Variants in ZRANB3 observed in about 807,000 individuals in gnomAD.
ZRANB3 encodes DNA annealing helicase and endonuclease ZRANB3.
Under a neutral mutation model 133.8 loss-of-function variants are expected in ZRANB3, and 125 were observed. The ratio of observed to expected loss-of-function variants is 0.93; its 90% CI spans 0.81 to 1.08. The LOEUF (loss-of-function observed/expected upper bound fraction) is 1.08. Among genes scored for constraint, ZRANB3 ranks in the 50% least tolerant of loss-of-function variants. The probability of loss-of-function intolerance (pLI) is 0.00; values close to 1 mark genes in which losing one functional copy is unlikely to be tolerated. For missense variants in ZRANB3, 1,229 were observed against 1,275.5 expected, an observed-to-expected ratio of 0.96 and a Z score of 0.56; for synonymous variants, 387 against 432.7, an observed-to-expected ratio of 0.89 and a Z score of 1.31.
intron 15 of ZRANB3, among the ~76,000 whole-genome samples, chr2:135,223,375 G>C (rs967887931): frequency 6.6e-6 from 1 of 150,710 alleles, no homozygotes; most frequent in African/African-American, 2.4e-5. Context: ...ACCCAGGCTG[G>C]AGTGCAGTGG....
intron 3 of ZRANB3, among the ~76,000 whole-genome samples, chr2:135,385,437 A>G (rs1450724339): frequency 1.3e-5 from 2 of 152,198 alleles, no homozygotes; most frequent in Non-Finnish European, 2.9e-5. Context: ...TATAGATTCA[A>G]TGCCACCCCC....
intron 1 of ZRANB3, among the ~76,000 whole-genome samples, chr2:135,505,434 C>T (rs900004042): frequency 1.3e-5 from 2 of 151,964 alleles, no homozygotes; most frequent in Non-Finnish European, 1.5e-5. Context: ...ATTAGCTGGG[C>T]GTGGTGGCGC....
intron 2 of ZRANB3, among the ~76,000 whole-genome samples, chr2:135,453,500 T>C (rs535241949): frequency 1.3e-5 from 2 of 152,212 alleles, no homozygotes; most frequent in Non-Finnish European, 2.9e-5. Flanking sequence ...CCTTTAACAG[T>C]ACCCAAGTCA....
intron 2 of ZRANB3, among the ~76,000 whole-genome samples, chr2:135,462,597 T>C (rs1432770103): frequency 7.2e-6 from 1 of 139,214 alleles, no homozygotes; most frequent in Non-Finnish European, 1.5e-5. Flanking sequence ...CTCTCTCTTT[T>C]TCTTTTTCTT....
At chr2:135,329,196 TA>T (rs1329492899) in intron 6 of ZRANB3, among the ~76,000 whole-genome samples, 1 of 152,236 alleles carries the variant, frequency 6.6e-6, no homozygotes, top group Non-Finnish European at 1.5e-5. Flanking sequence ...GGTTTAGGTC[TA>T]ACATGTAAGT....
intron 12 of ZRANB3, among the ~76,000 whole-genome samples, chr2:135,231,577 C>T (rs1198659740): frequency 5.9e-5 from 9 of 152,136 alleles, no homozygotes; most frequent in African/African-American, 9.6e-5. Context: ...TTGGGCAACA[C>T]GGTGAAACCC....
intron 12 of ZRANB3, among the ~76,000 whole-genome samples, chr2:135,265,333 T>C (rs1680178420): frequency 6.6e-6 from 1 of 152,200 alleles, no homozygotes; most frequent in Non-Finnish European, 1.5e-5. Context: ...ATTCAGTTTG[T>C]TTATCCGAGG....
intron 1 of ZRANB3, among the ~76,000 whole-genome samples, chr2:135,526,457 C>A (rs1018016665): frequency 5.3e-5 from 8 of 152,138 alleles, no homozygotes; most frequent in African/African-American, 1.9e-4. Flanking sequence ...AGCCAATGAG[C>A]CCAACCTGAT....
chr2:135,402,288 T>G (rs532733939), intron 2 of ZRANB3, among the ~76,000 whole-genome samples: 2 of 148,162 alleles, frequency 1.3e-5, no homozygotes, highest in African/African-American at 5.2e-5. Flanking sequence ...TAGTTCATTC[T>G]TTCTCTCTTT....
In ZRANB3 at chr2:135,210,506, A is replaced by G. The variant is rs1694050519; in HGVS notation, c.2496-1528T>C. 2.0e-5 allele frequency among the ~76,000 whole-genome samples: 3 copies of G among 151,880 alleles called. No individual in the cohort carries two copies. The South Asian group carries it at 6.2e-4, about 32-fold the overall frequency. Reference sequence around the variant, plus strand: ...ACCACCATGCTTGGCCAATTATTGTATTTTTAGTAGAGATGGGAATTTGCC... The same window carrying G: ...ACCACCATGCTTGGCCAATTATTGTGTTTTTAGTAGAGATGGGAATTTGCC... On this transcript the variant is annotated intron_variant, in intron 17 of 20. Transcript: ENST00000264159.
intron 2 of ZRANB3, among the ~76,000 whole-genome samples, chr2:135,500,039 T>C (rs1489836014): frequency 6.6e-6 from 1 of 152,092 alleles, no homozygotes; most frequent in Non-Finnish European, 1.5e-5. Flanking sequence ...AACAGTAGCC[T>C]ACAAGTCAAG....
At chr2:135,391,255 G>A (rs1329722397) in intron 2 of ZRANB3, among the ~76,000 whole-genome samples, 1 of 152,200 alleles carries the variant, frequency 6.6e-6, no homozygotes, top group African/African-American at 2.4e-5. Context: ...TTATAAGTAT[G>A]AGAACATGGG....
intron 2 of ZRANB3, among the ~76,000 whole-genome samples, chr2:135,490,980 T>A (rs1692345938): frequency 6.6e-6 from 1 of 151,794 alleles, no homozygotes; most frequent in Non-Finnish European, 1.5e-5. Flanking sequence ...CTACTAGTGG[T>A]TGGGAAGGGT....
intron 14 of ZRANB3, among the ~76,000 whole-genome samples, chr2:135,227,039 T>C (rs1395075642): frequency 6.6e-6 from 1 of 152,208 alleles, no homozygotes; most frequent in Non-Finnish European, 1.5e-5. Flanking sequence ...CTAAATTATA[T>C]TAGTGTTTAA....
chr2:135,412,579 T>C (rs1285899718), intron 2 of ZRANB3, among the ~76,000 whole-genome samples: 1 of 152,146 alleles, frequency 6.6e-6, no homozygotes, highest in Non-Finnish European at 1.5e-5. Flanking sequence ...CCTGCAGGCA[T>C]AATCAAGTTT....
At chr2:135,347,450 G>A (rs767372894) in intron 5 of ZRANB3, among the ~76,000 whole-genome samples, 26 of 151,872 alleles carry the variant, frequency 1.7e-4, no homozygotes, top group African/African-American at 2.9e-4. Context: ...CCACCACCGC[G>A]CCCGGCTAAT....
chr2:135,279,885 C>T (rs1681015847), intron 8 of ZRANB3, among the ~76,000 whole-genome samples: 1 of 152,112 alleles, frequency 6.6e-6, no homozygotes, highest in Admixed American at 6.5e-5. Flanking sequence ...GTTGGGAATA[C>T]CAAAACATCA....
chr2:135,361,687 T>C (rs1050626115), intron 3 of ZRANB3, among the ~76,000 whole-genome samples: 28 of 152,330 alleles, frequency 1.8e-4, no homozygotes, highest in African/African-American at 6.7e-4. Flanking sequence ...GAGATTGCTT[T>C]GGAGGACCCT....
chr2:135,360,869 C>T (rs1382246720), intron 3 of ZRANB3, among the ~76,000 whole-genome samples: 3 of 152,100 alleles, frequency 2.0e-5, no homozygotes, highest in African/African-American at 4.8e-5. Context: ...TGGGCTCAAG[C>T]GGTTCTCCCA....
Sources: gnomAD v4.1 joint callset for allele counts (sites outside exome capture counted in the v4.1 genomes callset) on GRCh38, gnomAD v4.1.1 for gene constraint, MANE v1.5 for transcripts, NCBI Gene and HGNC (gene_info 2026-07-23, HGNC 2026-07-21) for gene names.